RDX: variants seen among roughly 807,000 people sequenced by gnomAD.
RDX encodes radixin, also known as deafness, autosomal recessive 24.
Under a neutral mutation model 83.7 loss-of-function variants are expected in RDX, and 32 were observed. The ratio of observed to expected loss-of-function variants is 0.38; its 90% confidence interval spans 0.29 to 0.51. The LOEUF (loss-of-function observed/expected upper bound fraction) is 0.51. Ranked by LOEUF, RDX falls within the 20% of genes least tolerant of loss-of-function variation. The pLI is 0.87. For synonymous variants in RDX, 229 were observed against 222.7 expected (o/e 1.03, Z -0.25); for missense variants, 600 against 689.9 (o/e 0.87, Z 1.46).
chr11:110,249,206 A>T (rs1212431403), intron 9 of RDX, among the ~76,000 whole-genome samples: 6 of 152,230 alleles, frequency 3.9e-5, no homozygotes, highest in African/African-American at 1.4e-4. Context: ...ATAACTTAAA[A>T]ATCAGTTATG....
rs776835361 is a variant in RDX at position 110,231,945 on chromosome 11, C to T, written c.1676G>A (p.Arg559His). ...CTGTCGCAGAGTCTTGTACTTATCA[C>T]GGCCTGCTTTAACATTCTCAGCATG... is the stretch of plus-strand genomic sequence containing the variant. ...VLHAENVKAG[R>H]DKYKTLRQIR... Residue 559 changes from arginine to histidine, a missense_variant, in exon 14 of 14, where the codon CGT becomes CAT. Coordinates refer to ENST00000645495, the MANE Select transcript of RDX (RefSeq NM_002906.4). The T allele has an allele frequency of 6.2e-7, 1 of 1,613,904 alleles. No individual in the cohort carries two copies. Among genetic ancestry groups the T allele is most frequent in the Non-Finnish European group, 8.5e-7 (1 of 1,179,924 alleles).
At chr11:110,248,255 T>C (rs570167554) in intron 9 of RDX, among the ~76,000 whole-genome samples, 2 of 152,296 alleles carry the variant, frequency 1.3e-5, no homozygotes, top group East Asian at 3.9e-4. Flanking sequence ...TAATTGGAAA[T>C]AGTATTCATG....
At chr11:110,211,052 G>T (rs1205375853) in intron 14 of RDX, among the ~76,000 whole-genome samples, 1 of 152,134 alleles carries the variant, frequency 6.6e-6, no homozygotes, top group Non-Finnish European at 1.5e-5. Flanking sequence ...CTGGCAAATT[G>T]GATAAAGAGT....
chr11:110,217,525 TGAG>T (rs1192507662), intron 14 of RDX, among the ~76,000 whole-genome samples: 2 of 152,206 alleles, frequency 1.3e-5, no homozygotes, highest in African/African-American at 4.8e-5. Context: ...TAACCTCTCC[TGAG>T]GAGAGCAGCG....
chr11:110,265,537 G>A (rs148261847), intron 3 of RDX, among the ~76,000 whole-genome samples: 5 of 150,676 alleles, frequency 3.3e-5, no homozygotes, highest in African/African-American at 4.9e-5. Flanking sequence ...ATAATCATAC[G>A]TTCCAATTTC....
intron 14 of RDX, among the ~76,000 whole-genome samples, chr11:110,220,537 G>T (rs1181474090): frequency 6.6e-6 from 1 of 152,064 alleles, no homozygotes; most frequent in Non-Finnish European, 1.5e-5. Context: ...TTTTGAGACA[G>T]AGTTTTGCTC....
chr11:110,197,462 T>G (rs993495655), intron 15 of RDX, among the ~76,000 whole-genome samples: 1 of 152,272 alleles, frequency 6.6e-6, no homozygotes, highest in African/African-American at 2.4e-5. Context: ...ACCAACTCTG[T>G]GGATCCCTTC....
intron 1 of RDX, among the ~76,000 whole-genome samples, chr11:110,295,544 A>C (rs1293383394): frequency 6.6e-6 from 1 of 151,222 alleles, no homozygotes; most frequent in Non-Finnish European, 1.5e-5. Context: ...TTTCCAACCT[A>C]GTAACTACTC....
At chr11:110,275,650 T>C (rs1285271656) in intron 2 of RDX, among the ~76,000 whole-genome samples, 1 of 152,180 alleles carries the variant, frequency 6.6e-6, no homozygotes, top group East Asian at 1.9e-4. Context: ...AGTTATTTCT[T>C]ACAAAAGAAC....
At chr11:110,280,103 A>C (rs1215086205) in intron 1 of RDX, among the ~76,000 whole-genome samples, 3 of 152,238 alleles carry the variant, frequency 2.0e-5, no homozygotes, top group Admixed American at 6.5e-5. Context: ...ATGTTAGAGA[A>C]AGGAACAATA....
At chr11:110,289,315 T>C (rs961942753) in intron 1 of RDX, among the ~76,000 whole-genome samples, 2 of 150,996 alleles carry the variant, frequency 1.3e-5, no homozygotes, top group African/African-American at 4.9e-5. Context: ...TATCCAAAAC[T>C]GTTTTAATAA....
In RDX at chr11:110,231,838, T is replaced by TA; in HGVS notation, c.*30dup. The TA allele has an allele frequency of 6.2e-7, 1 of 1,610,856 alleles. No individual in the cohort carries two copies. Among genetic ancestry groups the TA allele is most frequent in the Non-Finnish European group, 8.5e-7 (1 of 1,179,406 alleles). ...GCTTTTCTCTGTTGGTGGTTCAGCT[T>TA]ATGAAGAACATATATGCAAAATAAC... On this transcript the variant is annotated 3_prime_UTR_variant, in exon 14 of 14. Coordinates refer to ENST00000645495, the MANE Select transcript of RDX (RefSeq NM_002906.4).
At chr11:110,179,436 T>C (rs995331111) in intron 15 of RDX, among the ~76,000 whole-genome samples, 1 of 152,236 alleles carries the variant, frequency 6.6e-6, no homozygotes, top group African/African-American at 2.4e-5. Context: ...GTTCCACTTG[T>C]GCCCTCCTAA....
At chr11:110,290,885 T>C (rs1301302799) in intron 1 of RDX, among the ~76,000 whole-genome samples, 1 of 152,236 alleles carries the variant, frequency 6.6e-6, no homozygotes, top group Non-Finnish European at 1.5e-5. Context: ...ATTTGCCAAG[T>C]ATTTTAACAA....
At chr11:110,278,256 C>T (rs1162073123) in intron 2 of RDX, among the ~76,000 whole-genome samples, 2 of 151,354 alleles carry the variant, frequency 1.3e-5, no homozygotes, top group African/African-American at 4.9e-5. Context: ...TTTAGCTACT[C>T]TGTACACATT....
At chr11:110,191,428 A>G (rs1316020522) in intron 15 of RDX, among the ~76,000 whole-genome samples, 1 of 152,264 alleles carries the variant, frequency 6.6e-6, no homozygotes, top group Non-Finnish European at 1.5e-5. Context: ...ACATATCTCA[A>G]AATAAGAAGA....
chr11:110,205,733 G>A (rs756399189), intron 14 of RDX, among the ~76,000 whole-genome samples: 1 of 152,146 alleles, frequency 6.6e-6, no homozygotes, highest in Non-Finnish European at 1.5e-5. Context: ...GGCAGAAATT[G>A]AAAAGTTTAG....
chr11:110,224,325 T>G (rs538930208), intron 14 of RDX, among the ~76,000 whole-genome samples: 2 of 152,170 alleles, frequency 1.3e-5, no homozygotes, highest in Non-Finnish European at 2.9e-5. Flanking sequence ...ACTATTGTTA[T>G]AAGCATTATT....
intron 3 of RDX, among the ~76,000 whole-genome samples, chr11:110,265,448 T>C (rs1235001840): frequency 1.3e-5 from 2 of 151,758 alleles, no homozygotes; most frequent in Non-Finnish European, 2.9e-5. Context: ...CACTTTTTCA[T>C]ACCTCCTTTT....
Sources: allele counts gnomAD v4.1 joint callset (sites outside exome capture counted in the v4.1 genomes callset), GRCh38; gene constraint gnomAD v4.1.1; transcripts MANE v1.5; gene names NCBI Gene and HGNC (gene_info 2026-07-23, HGNC 2026-07-21).